DAB1: variants seen among roughly 807,000 people sequenced by gnomAD.
The protein encoded by DAB1 is DAB adaptor protein 1.
A neutral mutation model predicts 64.6 loss-of-function variants in DAB1; 15 were observed. That is an observed-to-expected ratio of 0.23 (90% CI 0.16 to 0.36). The LOEUF is 0.36. Ranked by LOEUF, DAB1 falls within the 10% of genes least tolerant of loss-of-function variation. DAB1 has a pLI of 1.00. For synonymous variants in DAB1, 235 were observed against 251.9 expected (o/e 0.93, Z 0.64); for missense variants, 596 against 706.7 (o/e 0.84, Z 1.78).
intron 3 of DAB1, among the ~76,000 whole-genome samples, chr1:58,396,808 A>T (rs763421382): frequency 3.9e-5 from 6 of 152,178 alleles, no homozygotes; most frequent in African/African-American, 7.2e-5. Flanking sequence ...CACGCCTGTA[A>T]TCCCAGCACT....
intron 4 of DAB1, among the ~76,000 whole-genome samples, chr1:58,290,117 C>T (rs1339616800): frequency 1.3e-5 from 2 of 152,272 alleles, no homozygotes; most frequent in East Asian, 3.9e-4. Flanking sequence ...CCCCTTCTTT[C>T]AAAGAGCCTG....
At chr1:57,460,620 T>C (rs1413251704) in intron 7 of DAB1, among the ~76,000 whole-genome samples, 1 of 152,222 alleles carries the variant, frequency 6.6e-6, no homozygotes, top group Non-Finnish European at 1.5e-5. Flanking sequence ...TTGATGCACC[T>C]GTGAACAATT....
chr1:58,494,601 G>A (rs1295552874), intron 3 of DAB1, among the ~76,000 whole-genome samples: 4 of 152,080 alleles, frequency 2.6e-5, no homozygotes, highest in Non-Finnish European at 5.9e-5. Flanking sequence ...ATCAAAAAGT[G>A]GGTGAAGGAT....
chr1:57,023,270 C>T (rs973319558), intron 11 of DAB1, among the ~76,000 whole-genome samples: 1 of 152,178 alleles, frequency 6.6e-6, no homozygotes, highest in African/African-American at 2.4e-5. Context: ...ATATGCCATG[C>T]TCCCAAAAGC....
chr1:58,487,044 A>ACT (rs1277193042), intron 3 of DAB1, among the ~76,000 whole-genome samples: 1 of 152,220 alleles, frequency 6.6e-6, no homozygotes, highest in Non-Finnish European at 1.5e-5. Context: ...TACAATGATC[A>ACT]CTCTGGCTAC....
intron 4 of DAB1, among the ~76,000 whole-genome samples, chr1:57,098,940 C>A (rs1654417777): frequency 6.6e-6 from 1 of 152,152 alleles, no homozygotes. Flanking sequence ...GTCAGATAGA[C>A]CTGGGTATTT....
chr1:58,291,886 C>G (rs536259387), intron 4 of DAB1, among the ~76,000 whole-genome samples: 1 of 152,048 alleles, frequency 6.6e-6, no homozygotes, highest in Non-Finnish European at 1.5e-5. Context: ...CACAGAGTAC[C>G]CAGCTTAAAA....
At chr1:58,299,664 G>T (rs1662076773) in intron 4 of DAB1, among the ~76,000 whole-genome samples, 1 of 152,238 alleles carries the variant, frequency 6.6e-6, no homozygotes, top group African/African-American at 2.4e-5. Context: ...CCACACCCAT[G>T]CACCTTAAAG....
At chr1:58,145,212 C>T (rs17117013) in intron 5 of DAB1, among the ~76,000 whole-genome samples, 28,812 of 152,122 alleles carry the variant, frequency 0.19, 2,925 homozygotes, top group East Asian at 0.37. Flanking sequence ...CCGGAGGATG[C>T]GGGAATGGTG....
chr1:57,146,343 C>G (rs1659132328), intron 2 of DAB1, among the ~76,000 whole-genome samples: 1 of 152,168 alleles, frequency 6.6e-6, no homozygotes, highest in African/African-American at 2.4e-5. Flanking sequence ...TTTGATTAGT[C>G]AGAGGTCTGG....
At position 58,313,856 on chromosome 1, in the gene DAB1, T is replaced by TGTGTGTGTGA. The variant is rs369709762; in HGVS notation, n.309+29495_309+29496insTCACACACAC. ...GTGTGTGTGTGTGTGTGTGTGTGTG[T>TGTGTGTGTGA]GAGAGAGAGAGAGAGAGAGAGAGAT... is the stretch of plus-strand genomic sequence containing the variant. On this transcript the variant is annotated intron_variant and non_coding_transcript_variant, in intron 4 of 20. Transcript: ENST00000485760. Among the ~76,000 whole-genome samples, 270 of 112,140 alleles carry TGTGTGTGTGA rather than the reference T, an allele frequency of 2.4e-3. 1 individual carries two copies. Among genetic ancestry groups the TGTGTGTGTGA allele is most frequent in the African/African-American group, 8.2e-3 (248 of 30,244 alleles). The allele number at this position is 112,140 out of a possible 152,430, so 73.6% of individuals were successfully genotyped here. A position where few individuals can be genotyped will look rare whatever the true frequency, so the allele number is the denominator to read the frequency against.
chr1:58,221,690 G>T (rs979059015), intron 4 of DAB1, among the ~76,000 whole-genome samples: 4 of 152,202 alleles, frequency 2.6e-5, no homozygotes, highest in African/African-American at 9.7e-5. Flanking sequence ...TTCCCCGAAG[G>T]TCACTGGCAT....
At chr1:58,151,500 G>A (rs1461683896) in intron 4 of DAB1, among the ~76,000 whole-genome samples, 1 of 152,200 alleles carries the variant, frequency 6.6e-6, no homozygotes, top group Non-Finnish European at 1.5e-5. Context: ...CTTTTGAGAA[G>A]TGGATAAGAC....
At chr1:57,636,116 A>AAAC (rs1342454798) in intron 7 of DAB1, among the ~76,000 whole-genome samples, 4 of 149,558 alleles carry the variant, frequency 2.7e-5, no homozygotes, top group African/African-American at 9.9e-5. Context: ...AAAAAAAACA[A>AAAC]AAACAAAAAA....
intron 1 of DAB1, among the ~76,000 whole-genome samples, chr1:57,308,280 A>T (rs1394568219): frequency 6.6e-6 from 1 of 152,188 alleles, no homozygotes; most frequent in Non-Finnish European, 1.5e-5. Flanking sequence ...TTCTCTTGAC[A>T]TCTGTGATTC....
intron 6 of DAB1, among the ~76,000 whole-genome samples, chr1:57,804,019 T>C (rs1651249243): frequency 6.6e-6 from 1 of 152,206 alleles, no homozygotes; most frequent in Non-Finnish European, 1.5e-5. Context: ...TGAGTCAAAA[T>C]GTAAAATATG....
At chr1:58,321,532 C>T (rs963883219) in intron 4 of DAB1, among the ~76,000 whole-genome samples, 5 of 152,244 alleles carry the variant, frequency 3.3e-5, no homozygotes, top group African/African-American at 4.8e-5. Context: ...ACAAACTGCA[C>T]CTGGAAAATC....
chr1:57,348,443 G>C (rs1479381957), intron 1 of DAB1, among the ~76,000 whole-genome samples: 1 of 152,110 alleles, frequency 6.6e-6, no homozygotes, highest in East Asian at 1.9e-4. Context: ...TCATAAGGTA[G>C]CTGAAAAGCA....
At chr1:57,743,573 C>T (rs1022588177) in intron 6 of DAB1, among the ~76,000 whole-genome samples, 2 of 152,210 alleles carry the variant, frequency 1.3e-5, no homozygotes, top group African/African-American at 4.8e-5. Context: ...GGTACCTTGA[C>T]CGAGGTCATC....
Sources: allele counts gnomAD v4.1 joint callset (sites outside exome capture counted in the v4.1 genomes callset), GRCh38; gene constraint gnomAD v4.1.1; transcripts MANE v1.5; gene names NCBI Gene and HGNC (gene_info 2026-07-23, HGNC 2026-07-21).